CADM1: variants seen among roughly 807,000 people sequenced by gnomAD.
CADM1 encodes cell adhesion molecule 1.
A neutral mutation model predicts 53.1 loss-of-function variants in CADM1; 15 were observed. The ratio of observed to expected loss-of-function variants is 0.28; its 90% CI spans 0.19 to 0.44. The LOEUF (loss-of-function observed/expected upper bound fraction) is 0.44, where lower values mean the gene tolerates loss of function less well. Among genes scored for constraint, CADM1 ranks in the 20% least tolerant of loss-of-function variants. CADM1 has a pLI of 1.00. For synonymous variants in CADM1, 281 were observed against 243.0 expected, an observed-to-expected ratio of 1.16 and a Z score of -1.45; for missense variants, 434 against 611.3, an observed-to-expected ratio of 0.71 and a Z score of 3.06.
chr11:115,395,247 G>A (rs1207800372), intron 1 of CADM1, among the ~76,000 whole-genome samples: 2 of 152,212 alleles, frequency 1.3e-5, no homozygotes, highest in East Asian at 1.9e-4. Context: ...AATCATTGAC[G>A]TAAAGTACAG....
intron 1 of CADM1, among the ~76,000 whole-genome samples, chr11:115,252,941 T>C (rs759760789): frequency 1.8e-4 from 27 of 152,162 alleles, no homozygotes; most frequent in Non-Finnish European, 3.2e-4. Flanking sequence ...AGGACATCCA[T>C]GAGTTACTGA....
chr11:115,454,970 C>T (rs921080971), intron 1 of CADM1, among the ~76,000 whole-genome samples: 1 of 152,170 alleles, frequency 6.6e-6, no homozygotes. Context: ...AAAATAAGAA[C>T]TTTCACCTTC....
chr11:115,384,123 C>T (rs1946642500), intron 1 of CADM1, among the ~76,000 whole-genome samples: 1 of 152,122 alleles, frequency 6.6e-6, no homozygotes, highest in African/African-American at 2.4e-5. Context: ...TAAGCAGTCT[C>T]CGAGGTACTG....
intron 9 of CADM1, among the ~76,000 whole-genome samples, chr11:115,191,295 T>C (rs1939847508): frequency 6.6e-6 from 1 of 152,202 alleles, no homozygotes; most frequent in Non-Finnish European, 1.5e-5. Flanking sequence ...TATTTAGATG[T>C]TACATACTGA....
chr11:115,282,208 G>T (rs1274767710), intron 1 of CADM1, among the ~76,000 whole-genome samples: 1 of 152,102 alleles, frequency 6.6e-6, no homozygotes, highest in African/African-American at 2.4e-5. Context: ...AATCCTATGG[G>T]ATAGGTTCAG....
At position 115,286,133 on chromosome 11, in the gene CADM1, A is replaced by G. The variant is rs1943722782; in HGVS notation, c.125-45713T>C. 4.6e-5 allele frequency among the ~76,000 whole-genome samples: 7 copies of G among 152,356 alleles called. No individual in the cohort carries two copies. In the South Asian group the frequency reaches 1.4e-3, roughly 32 times the overall value. On this transcript the variant is annotated intron_variant, in intron 1 of 11. Transcript: ENST00000331581. ...GGTAGTTTAGATATGTGTAAATAAA[A>G]TTAAATTTTAAAAATGTTTTTATAT...
At chr11:115,413,531 T>C (rs1440588986) in intron 1 of CADM1, among the ~76,000 whole-genome samples, 1 of 151,340 alleles carries the variant, frequency 6.6e-6, no homozygotes, top group East Asian at 1.9e-4. Flanking sequence ...GTCTCCATTA[T>C]CAACACAAGA....
chr11:115,178,443 C>T (rs1396244437), intron 11 of CADM1, among the ~76,000 whole-genome samples: 2 of 152,002 alleles, frequency 1.3e-5, no homozygotes, highest in South Asian at 2.1e-4. Flanking sequence ...CTCATCAACT[C>T]CCAGAGTCCT....
At chr11:115,461,195 T>C (rs949523622) in intron 1 of CADM1, among the ~76,000 whole-genome samples, 2 of 152,192 alleles carry the variant, frequency 1.3e-5, no homozygotes, top group East Asian at 3.9e-4. Context: ...TATTTGTGGT[T>C]TAGTAGGGTG....
chr11:115,384,806 T>C (rs543987787), intron 1 of CADM1, among the ~76,000 whole-genome samples: 1 of 152,294 alleles, frequency 6.6e-6, no homozygotes, highest in South Asian at 2.1e-4. Flanking sequence ...GGAAATAATG[T>C]TTTCATTTTA....
chr11:115,445,843 A>G (rs1948439298), intron 1 of CADM1: 2 of 431,564 alleles, frequency 4.6e-6, no homozygotes, highest in Non-Finnish European at 9.3e-6. Context: ...AGACCTGTCA[A>G]AAAAGAAAAA....
At chr11:115,347,073 C>T (rs558646910) in intron 1 of CADM1, among the ~76,000 whole-genome samples, 2 of 152,210 alleles carry the variant, frequency 1.3e-5, no homozygotes, top group Admixed American at 6.5e-5. Flanking sequence ...AACTAAGATG[C>T]GGGTACAAGT....
rs985758507 is a variant in CADM1 at position 115,399,112 on chromosome 11, T to C, written c.124+105159A>G. 7 of 152,142 alleles carry C rather than the reference T, an allele frequency of 4.6e-5. No homozygotes were observed. The South Asian group carries it at 6.2e-4, about 13-fold the overall frequency. 9.4% of individuals were successfully genotyped at this position (152,142 alleles called of 1,614,324 possible). A position where few individuals can be genotyped will look rare whatever the true frequency, so the allele number is the denominator to read the frequency against. On this transcript the variant is annotated intron_variant, in intron 1 of 11. Transcript: ENST00000331581. ...TACACCTATTGAGTAAATGAGGAAA[T>C]AGAAGAAGAAAAAGATATCCAACTG...
At chr11:115,368,882 C>G (rs1946239647) in intron 1 of CADM1, among the ~76,000 whole-genome samples, 1 of 151,748 alleles carries the variant, frequency 6.6e-6, no homozygotes, top group African/African-American at 2.4e-5. Flanking sequence ...TCTTGTACTA[C>G]TAAGGAACTG....
intron 1 of CADM1, among the ~76,000 whole-genome samples, chr11:115,331,621 A>G (rs554666887): frequency 6.6e-5 from 10 of 152,212 alleles, no homozygotes; most frequent in Admixed American, 1.3e-4. Flanking sequence ...AATAAATATC[A>G]CTCATGGCTT....
At chr11:115,366,741 A>G (rs1480518391) in intron 1 of CADM1, among the ~76,000 whole-genome samples, 1 of 152,192 alleles carries the variant, frequency 6.6e-6, no homozygotes, top group Non-Finnish European at 1.5e-5. Flanking sequence ...AAGATGTCAA[A>G]TGAGGAGTAA....
intron 10 of CADM1, chr11:115,179,114 G>A (rs1939187459): frequency 2.8e-6 from 1 of 360,670 alleles, no homozygotes; most frequent in Non-Finnish European, 5.4e-6. Context: ...GCCTAATTAA[G>A]GGGGCTGACC....
At chr11:115,308,579 CA>C (rs1369433657) in intron 1 of CADM1, among the ~76,000 whole-genome samples, 1 of 151,890 alleles carries the variant, frequency 6.6e-6, no homozygotes, top group Non-Finnish European at 1.5e-5. Flanking sequence ...ATTTTTTTCA[CA>C]AAGTAACCTA....
intron 1 of CADM1, among the ~76,000 whole-genome samples, chr11:115,334,988 A>AT (rs1239607951): frequency 1.3e-5 from 2 of 152,152 alleles, no homozygotes; most frequent in African/African-American, 4.8e-5. Flanking sequence ...ATCTGAACTT[A>AT]TATCTTTCTC....
Sources: gnomAD v4.1 joint callset for allele counts (sites outside exome capture counted in the v4.1 genomes callset) on GRCh38, gnomAD v4.1.1 for gene constraint, MANE v1.5 for transcripts, NCBI Gene and HGNC (gene_info 2026-07-23, HGNC 2026-07-21) for gene names.